Variants in MAGI2 observed in about 807,000 individuals in gnomAD.
MAGI2 encodes membrane-associated guanylate kinase, WW and PDZ domain-containing protein 2.
A neutral mutation model predicts 133.3 loss-of-function variants in MAGI2; 35 were observed. The ratio of observed to expected loss-of-function variants is 0.26; its 90% confidence interval spans 0.20 to 0.35. MAGI2 has a LOEUF of 0.35. MAGI2 is among the 10% of genes least tolerant of loss of function. The pLI, the probability that MAGI2 is intolerant of heterozygous loss-of-function variation, is 1.00. For missense variants in MAGI2, 1,636 were observed against 1,863.4 expected, an observed-to-expected ratio of 0.88 and a Z score of 2.25; for synonymous variants, 729 against 710.6, an observed-to-expected ratio of 1.03 and a Z score of -0.41.
chr7:78,683,056 T>C (rs1268538423), intron 2 of MAGI2, among the ~76,000 whole-genome samples: 2 of 151,982 alleles, frequency 1.3e-5, no homozygotes, highest in African/African-American at 2.4e-5. Flanking sequence ...TGGAAGAAAA[T>C]ATGGACAGGC....
chr7:78,375,716 T>C (rs1794387007), intron 6 of MAGI2, among the ~76,000 whole-genome samples: 1 of 152,160 alleles, frequency 6.6e-6, no homozygotes, highest in Admixed American at 6.6e-5. Context: ...AATAGCTACT[T>C]ATTACAAAAT....
chr7:79,334,450 GC>G (rs1453434450), intron 1 of MAGI2, among the ~76,000 whole-genome samples: 32 of 152,096 alleles, frequency 2.1e-4, no homozygotes, highest in Admixed American at 1.8e-3. Context: ...TTCATTAAAA[GC>G]CCCTGACTTT....
intron 1 of MAGI2, among the ~76,000 whole-genome samples, chr7:79,154,011 C>T (rs1823526182): frequency 6.6e-6 from 1 of 152,014 alleles, no homozygotes; most frequent in Non-Finnish European, 1.5e-5. Context: ...ATATATTTTC[C>T]ATTTTGAATT....
intron 1 of MAGI2, among the ~76,000 whole-genome samples, chr7:79,100,528 G>A (rs572801855): frequency 6.6e-5 from 10 of 151,068 alleles, no homozygotes; most frequent in African/African-American, 1.2e-4. Context: ...ATTTTGTAAC[G>A]TGTATATCTC....
intron 18 of MAGI2, among the ~76,000 whole-genome samples, chr7:78,128,900 A>C (rs1430402229): frequency 6.6e-6 from 1 of 152,214 alleles, no homozygotes; most frequent in Non-Finnish European, 1.5e-5. Flanking sequence ...TGAGAATAGA[A>C]TTATTTAAAA....
rs181923323 is a variant in MAGI2, at chr7:79,035,676, C to G, written c.302-28470G>C. 3.9e-3 allele frequency among the ~76,000 whole-genome samples: 588 copies of G among 152,258 alleles called. 6 individuals carry two copies. The highest frequency in any genetic ancestry group is 6.8e-3 in the Middle Eastern group (2 of 294). ...TGGGATACATATCTGCTCACAAAAT[C>G]AAGTTCTCAATTTATTCTTTATTAG... On this transcript the variant is annotated intron_variant, in intron 1 of 21. Coordinates refer to ENST00000354212, the MANE Select transcript of MAGI2 (RefSeq NM_012301.4).
chr7:79,125,685 A>G, intron 1 of MAGI2: 1 of 528,858 alleles, frequency 1.9e-6, no homozygotes, highest in Non-Finnish European at 3.7e-6. Context: ...TGGAGCCATG[A>G]AGGGAGGAAA....
chr7:78,713,644 T>G (rs1047688464), intron 2 of MAGI2, among the ~76,000 whole-genome samples: 2 of 152,110 alleles, frequency 1.3e-5, no homozygotes, highest in African/African-American at 4.8e-5. Flanking sequence ...AACAAGAACC[T>G]TCAAAATATG....
intron 1 of MAGI2, among the ~76,000 whole-genome samples, chr7:79,423,485 C>T (rs943869308): frequency 2.0e-5 from 3 of 151,976 alleles, no homozygotes; most frequent in Admixed American, 2.0e-4. Flanking sequence ...ATATCCAGCC[C>T]TCTACTACTA....
At chr7:78,647,989 C>A (rs1811080465) in intron 2 of MAGI2, among the ~76,000 whole-genome samples, 1 of 151,972 alleles carries the variant, frequency 6.6e-6, no homozygotes, top group Non-Finnish European at 1.5e-5. Context: ...CACTCCAGGG[C>A]CTGTTGCAGG....
At chr7:79,090,666 C>T (rs1245570289) in intron 1 of MAGI2, among the ~76,000 whole-genome samples, 3 of 152,104 alleles carry the variant, frequency 2.0e-5, no homozygotes, top group African/African-American at 7.2e-5. Flanking sequence ...TTACAGCTAT[C>T]ATTTGTGGTT....
chr7:79,049,003 T>A (rs549501865), intron 1 of MAGI2, among the ~76,000 whole-genome samples: 2 of 152,164 alleles, frequency 1.3e-5, no homozygotes, highest in African/African-American at 4.8e-5. Flanking sequence ...AATAAACTGT[T>A]CTGTTGCTAT....
chr7:79,240,633 A>G (rs1414327026), intron 1 of MAGI2, among the ~76,000 whole-genome samples: 2 of 152,232 alleles, frequency 1.3e-5, no homozygotes, highest in South Asian at 2.1e-4. Flanking sequence ...TTAAATTACA[A>G]TTTTTGTCTC....
At chr7:78,614,061 G>T (rs755123812) in intron 3 of MAGI2, among the ~76,000 whole-genome samples, 15 of 151,850 alleles carry the variant, frequency 9.9e-5, no homozygotes, top group Admixed American at 5.2e-4. Context: ...AGTGAGCTGA[G>T]ATCATGCCAC....
intron 1 of MAGI2, among the ~76,000 whole-genome samples, chr7:79,442,477 T>A (rs1048801768): frequency 6.6e-6 from 1 of 151,888 alleles, no homozygotes; most frequent in Non-Finnish European, 1.5e-5. Context: ...TGTGTGTGTG[T>A]GTGTGTGTGT....
chr7:78,127,059 C>A, intron 19 of MAGI2, 138 bp downstream of exon 19: 1 of 610,022 alleles, frequency 1.6e-6, no homozygotes, highest in South Asian at 2.6e-5. Flanking sequence ...GGTGTTACCC[C>A]GATGTTACCA....
chr7:78,787,135 AG>A (rs374852366), intron 2 of MAGI2, among the ~76,000 whole-genome samples: 2 of 151,946 alleles, frequency 1.3e-5, no homozygotes, highest in Non-Finnish European at 2.9e-5. Flanking sequence ...TTTAGTAGAG[AG>A]GGGGTTTCAC....
chr7:78,784,343 C>T (rs37849), intron 2 of MAGI2, among the ~76,000 whole-genome samples: 2,444 of 152,154 alleles, frequency 0.016, 74 homozygotes, highest in African/African-American at 0.056. Flanking sequence ...CTCTGACCTT[C>T]TCTTCCCCTC....
chr7:79,005,927 G>A (rs1403990091), intron 2 of MAGI2, among the ~76,000 whole-genome samples: 4 of 152,122 alleles, frequency 2.6e-5, no homozygotes, highest in African/African-American at 9.7e-5. Flanking sequence ...CTGACAAAAT[G>A]CCAATCATCA....
Sources: gnomAD v4.1 joint callset for allele counts (sites outside exome capture counted in the v4.1 genomes callset) on GRCh38, gnomAD v4.1.1 for gene constraint, MANE v1.5 for transcripts, NCBI Gene and HGNC (gene_info 2026-07-23, HGNC 2026-07-21) for gene names.